Variants in CADM2 observed in about 807,000 individuals in gnomAD.
CADM2 encodes immunoglobulin superfamily member 4D.
Under a neutral mutation model 49.8 loss-of-function variants are expected in CADM2, and 12 were observed. The ratio of observed to expected loss-of-function variants is 0.24; its 90% CI spans 0.15 to 0.39. CADM2 has a LOEUF of 0.39. Ranked by LOEUF, CADM2 falls within the 10% of genes least tolerant of loss-of-function variation. The probability of loss-of-function intolerance (pLI) is 1.00; values close to 1 mark genes in which losing one functional copy is unlikely to be tolerated. For missense variants in CADM2, 378 were observed against 492.3 expected (o/e 0.77, Z 2.20); for synonymous variants, 214 against 175.4 (o/e 1.22, Z -1.74).
chr3:85,120,446 A>C (rs1469166884), intron 1 of CADM2, among the ~76,000 whole-genome samples: 1 of 152,206 alleles, frequency 6.6e-6, no homozygotes, highest in Non-Finnish European at 1.5e-5. Flanking sequence ...TTAATGATAG[A>C]CTGGATAAAG....
At chr3:85,174,953 G>T (rs181870938) in intron 1 of CADM2, among the ~76,000 whole-genome samples, 83 of 152,158 alleles carry the variant, frequency 5.5e-4, no homozygotes, top group African/African-American at 2.0e-3. Flanking sequence ...CTTTTTTTTA[G>T]TGGGCAAAGG....
At chr3:85,876,421 G>A (rs1320547591) in intron 3 of CADM2, among the ~76,000 whole-genome samples, 5 of 151,978 alleles carry the variant, frequency 3.3e-5, no homozygotes, top group Non-Finnish European at 7.4e-5. Flanking sequence ...TTACTAATGG[G>A]TATTGATATG....
At chr3:85,830,811 T>G (rs2074149149) in intron 3 of CADM2, among the ~76,000 whole-genome samples, 1 of 147,536 alleles carries the variant, frequency 6.8e-6, no homozygotes. Context: ...ATTTATTTAT[T>G]TATTTATTTA....
intron 1 of CADM2, among the ~76,000 whole-genome samples, chr3:85,118,006 G>T (rs919106772): frequency 6.6e-6 from 1 of 151,922 alleles, no homozygotes; most frequent in African/African-American, 2.4e-5. Context: ...AAAAATCTTT[G>T]CTTCTCTAAA....
At chr3:85,030,137 A>AT (rs1230651634) in intron 1 of CADM2, among the ~76,000 whole-genome samples, 2 of 152,112 alleles carry the variant, frequency 1.3e-5, no homozygotes, top group Non-Finnish European at 2.9e-5. Flanking sequence ...AAACTCCAAG[A>AT]TTCACTCTGA....
intron 1 of CADM2, among the ~76,000 whole-genome samples, chr3:85,334,112 T>C (rs2107163491): frequency 6.6e-6 from 1 of 151,714 alleles, no homozygotes; most frequent in East Asian, 1.9e-4. Context: ...TTTGAAGACC[T>C]GAGTTTTTCA....
intron 7 of CADM2, among the ~76,000 whole-genome samples, chr3:85,956,550 A>T (rs747171685): frequency 1.3e-4 from 19 of 151,634 alleles, no homozygotes; most frequent in Non-Finnish European, 2.4e-4. Context: ...AGAGACTAGG[A>T]TCAAGAATTC....
intron 1 of CADM2, among the ~76,000 whole-genome samples, chr3:85,576,968 C>CTTA (rs1272597213): frequency 6.6e-6 from 1 of 151,976 alleles, no homozygotes; most frequent in Admixed American, 6.6e-5. Context: ...GGGACAAGAT[C>CTTA]TTATTGTTGG....
intron 1 of CADM2, among the ~76,000 whole-genome samples, chr3:85,215,369 A>G (rs949780416): frequency 2.0e-5 from 3 of 151,100 alleles, no homozygotes; most frequent in Non-Finnish European, 4.4e-5. Context: ...AAAAAAAAAA[A>G]AAAAAAAAAA....
chr3:85,562,402 C>T (rs913507076), intron 1 of CADM2, among the ~76,000 whole-genome samples: 4 of 140,682 alleles, frequency 2.8e-5, no homozygotes, highest in East Asian at 2.2e-4. Context: ...CACTTGAACC[C>T]GGGAGGCAGA....
intron 1 of CADM2, among the ~76,000 whole-genome samples, chr3:85,213,984 G>T (rs1196751544): frequency 6.6e-6 from 1 of 152,020 alleles, no homozygotes; most frequent in African/African-American, 2.4e-5. Flanking sequence ...GTGTTATCTT[G>T]TATTTCTTTG....
chr3:85,015,810 C>T (rs2200471), intron 1 of CADM2, among the ~76,000 whole-genome samples: 3,184 of 152,166 alleles, frequency 0.021, 121 homozygotes, highest in African/African-American at 0.072. Context: ...TTAAGGTTTT[C>T]AAAGGGGTGA....
At chr3:85,865,228 C>T (rs1024514076) in intron 3 of CADM2, among the ~76,000 whole-genome samples, 1 of 152,162 alleles carries the variant, frequency 6.6e-6, no homozygotes, top group Non-Finnish European at 1.5e-5. Flanking sequence ...TATGCCTGCT[C>T]CTGTCTCTGT....
chr3:85,643,902 C>T (rs950459172), intron 1 of CADM2, among the ~76,000 whole-genome samples: 2 of 152,040 alleles, frequency 1.3e-5, no homozygotes, highest in Non-Finnish European at 2.9e-5. Context: ...TTTTTAGGCT[C>T]CATTTCTAAA....
At chr3:85,017,094 A>G (rs1484553483) in intron 1 of CADM2, among the ~76,000 whole-genome samples, 1 of 152,208 alleles carries the variant, frequency 6.6e-6, no homozygotes, top group Non-Finnish European at 1.5e-5. Flanking sequence ...TTCTGATGCT[A>G]CAGCAAATTT....
intron 1 of CADM2, among the ~76,000 whole-genome samples, chr3:85,208,738 A>C (rs2041709780): frequency 6.6e-6 from 1 of 152,136 alleles, no homozygotes; most frequent in South Asian, 2.1e-4. Context: ...TTGAAATTAA[A>C]AATAATCTCT....
rs1739768238 is a variant in CADM2, at chr3:86,070,499, T to G, written c.*3716T>G. ...AATATTAAATTTTACATTATGCTTT[T>G]TAATTGTGGAGAAAATGCAAAACCT... On this transcript the variant is annotated 3_prime_UTR_variant, in exon 10 of 10. Transcript: ENST00000383699. 1 of 151,952 alleles carries G rather than the reference T, an allele frequency of 6.6e-6. No individual in the cohort carries two copies. The highest frequency in any genetic ancestry group is 2.1e-4 in the South Asian group (1 of 4,836). The allele number at this position is 151,952 out of a possible 1,614,324, so 9.4% of individuals were successfully genotyped here.
intron 1 of CADM2, among the ~76,000 whole-genome samples, chr3:85,122,744 C>T (rs6770935): frequency 8.5e-5 from 13 of 152,070 alleles, no homozygotes; most frequent in Non-Finnish European, 1.3e-4. Context: ...CAATCCTTGC[C>T]GGATTCCTTT....
intron 1 of CADM2, among the ~76,000 whole-genome samples, chr3:85,078,518 A>G (rs1180403583): frequency 6.6e-6 from 1 of 151,900 alleles, no homozygotes; most frequent in Non-Finnish European, 1.5e-5. Context: ...GTAGCATTAC[A>G]TCATCAATGT....
Sources: gnomAD v4.1 joint callset for allele counts (sites outside exome capture counted in the v4.1 genomes callset) on GRCh38, gnomAD v4.1.1 for gene constraint, MANE v1.5 for transcripts, NCBI Gene and HGNC (gene_info 2026-07-23, HGNC 2026-07-21) for gene names.